CDH8: variants seen among roughly 807,000 people sequenced by gnomAD.
CDH8 encodes cadherin 8.
Under a neutral mutation model 68.1 loss-of-function variants are expected in CDH8, and 17 were observed. That is an observed-to-expected ratio of 0.25 (90% CI 0.17 to 0.37). CDH8 has a LOEUF of 0.37. Among genes scored for constraint, CDH8 ranks in the 10% least tolerant of loss-of-function variants. CDH8 has a pLI of 1.00. For synonymous variants in CDH8, 372 were observed against 365.1 expected, an observed-to-expected ratio of 1.02 and a Z score of -0.21; for missense variants, 763 against 999.3, an observed-to-expected ratio of 0.76 and a Z score of 3.19.
At chr16:61,784,805 A>T (rs1011843508) in intron 8 of CDH8, among the ~76,000 whole-genome samples, 2 of 152,042 alleles carry the variant, frequency 1.3e-5, no homozygotes, top group African/African-American at 4.8e-5. Flanking sequence ...GCTCAACTAC[A>T]TGGAAACTGA....
chr16:61,959,976 G>GTA lies in CDH8; in HGVS notation c.253-58504_253-58503insTA, dbSNP rs1256104885. ...CTTTCTCTGTATGTGGTGTATGTGT[G>GTA]TGTGTGTGTATATATATATATATAT... On this transcript the variant is annotated intron_variant, in intron 2 of 11. Coordinates refer to ENST00000577390, the MANE Select transcript of CDH8 (RefSeq NM_001796.5). Among the ~76,000 whole-genome samples the GTA allele has an allele frequency of 9.3e-5, 5 of 53,608 alleles. No individual in the cohort carries two copies. In the South Asian group the frequency reaches 2.1e-3, roughly 23 times the overall value. 35.2% of individuals were successfully genotyped at this position (53,608 alleles called of 152,430 possible).
chr16:61,716,031 A>G (rs970571966), intron 9 of CDH8, among the ~76,000 whole-genome samples: 1 of 151,668 alleles, frequency 6.6e-6, no homozygotes, highest in Non-Finnish European at 1.5e-5. Context: ...ACTTCTCTCT[A>G]TAGGACTTCT....
chr16:61,812,099 C>T (rs141537672), intron 7 of CDH8, among the ~76,000 whole-genome samples: 1 of 152,194 alleles, frequency 6.6e-6, no homozygotes, highest in Non-Finnish European at 1.5e-5. Context: ...AACAAACATG[C>T]TCCTTACAGA....
intron 3 of CDH8, among the ~76,000 whole-genome samples, chr16:61,889,421 C>T (rs1963735301): frequency 6.6e-6 from 1 of 152,074 alleles, no homozygotes; most frequent in South Asian, 2.1e-4. Context: ...AATAATAACA[C>T]ATGGATACAA....
chr16:61,661,786 A>T (rs529956810), intron 10 of CDH8, among the ~76,000 whole-genome samples: 22 of 151,794 alleles, frequency 1.4e-4, no homozygotes, highest in Middle Eastern at 6.8e-3. Context: ...ATCTGATCAT[A>T]TTGGGGGTAT....
At chr16:61,898,159 G>T (rs1963902265) in intron 3 of CDH8, among the ~76,000 whole-genome samples, 1 of 152,106 alleles carries the variant, frequency 6.6e-6, no homozygotes, top group Non-Finnish European at 1.5e-5. Flanking sequence ...AATTAGCCGG[G>T]CATGGTGACA....
chr16:61,754,084 C>G (rs7187412), intron 8 of CDH8, among the ~76,000 whole-genome samples: 4,328 of 152,198 alleles, frequency 0.028, 199 homozygotes, highest in African/African-American at 0.099. Flanking sequence ...TGTGAAATCC[C>G]TTCCCTTTCT....
intron 10 of CDH8, among the ~76,000 whole-genome samples, chr16:61,678,611 G>A (rs1963958639): frequency 6.6e-6 from 1 of 151,924 alleles, no homozygotes; most frequent in Admixed American, 6.6e-5. Context: ...ACATGCCATG[G>A]TGGTTTGCTG....
At chr16:61,929,739 T>C (rs1339147876) in intron 2 of CDH8, among the ~76,000 whole-genome samples, 1 of 151,902 alleles carries the variant, frequency 6.6e-6, no homozygotes, top group Non-Finnish European at 1.5e-5. Flanking sequence ...AAATTAAAAA[T>C]TTTAGCCACA....
At chr16:61,817,343 G>A (rs1962099431) in intron 7 of CDH8, 136 bp downstream of exon 7, 5 of 741,634 alleles carry the variant, frequency 6.7e-6, no homozygotes, top group East Asian at 5.5e-5. Context: ...CACACACACA[G>A]TATGTGCCAA....
intron 2 of CDH8, among the ~76,000 whole-genome samples, chr16:61,949,357 G>A (rs1440191334): frequency 6.6e-6 from 1 of 152,084 alleles, no homozygotes; most frequent in Non-Finnish European, 1.5e-5. Context: ...TCTGTAAAAT[G>A]GACCAATCAG....
chr16:61,909,084 C>A (rs893137263), intron 2 of CDH8, among the ~76,000 whole-genome samples: 25 of 151,834 alleles, frequency 1.6e-4, no homozygotes, highest in African/African-American at 5.8e-4. Flanking sequence ...TGGAAATAAC[C>A]TCTGCTCTAC....
intron 4 of CDH8, among the ~76,000 whole-genome samples, chr16:61,843,538 T>C (rs1200751228): frequency 6.6e-6 from 1 of 152,186 alleles, no homozygotes; most frequent in Non-Finnish European, 1.5e-5. Context: ...CTCTGACTCC[T>C]AAGTTCACAT....
chr16:61,795,711 A>G (rs529961023), intron 7 of CDH8, among the ~76,000 whole-genome samples: 133 of 152,236 alleles, frequency 8.7e-4, no homozygotes, highest in African/African-American at 3.0e-3. Flanking sequence ...AGCTTCGGGA[A>G]AGACAGAATT....
intron 8 of CDH8, among the ~76,000 whole-genome samples, chr16:61,756,328 C>T (rs1014606038): frequency 5.9e-5 from 9 of 152,220 alleles, no homozygotes; most frequent in African/African-American, 2.2e-4. Context: ...GTGTCATTCT[C>T]TCCACTTACA....
intron 2 of CDH8, among the ~76,000 whole-genome samples, chr16:61,980,104 G>A (rs10438547): frequency 0.022 from 3,407 of 152,230 alleles, 59 homozygotes; most frequent in Middle Eastern, 0.058. Context: ...AGCCCACACA[G>A]GGTTCTACAG....
intron 1 of CDH8, among the ~76,000 whole-genome samples, chr16:62,027,381 G>A (rs1902220258): frequency 6.6e-6 from 1 of 152,116 alleles, no homozygotes; most frequent in Admixed American, 6.6e-5. Flanking sequence ...TAAATAATGT[G>A]GATTAAAGTT....
Position 61,654,084 on chromosome 16 carries a change from C to T in CDH8, c.1924G>A (p.Val642Ile). 6.2e-7 allele frequency: 1 copy of T among 1,613,020 alleles called. No individual in the cohort carries two copies. Among genetic ancestry groups the T allele is most frequent in the Non-Finnish European group, 8.5e-7 (1 of 1,179,568 alleles). The change falls in exon 12 of 12, where the codon GTA becomes ATA. Residue 642 changes from valine (V) to isoleucine (I), a missense_variant. Around this residue, in one of 2 missense-constraint regions of CDH8, gnomAD observed 397 missense variants for 436.2 expected, o/e 0.91. Coordinates refer to ENST00000577390, the MANE Select transcript of CDH8 (RefSeq NM_001796.5). ...TCATTTTTATGCCGCCGTAGAGTTA[C>T]AAACAGCACCACGATGACTAGAGGA... ...ILLLVIVVLF[V>I]TLRRHKNEPL...
chr16:61,673,581 T>C (rs1391319263), intron 10 of CDH8, among the ~76,000 whole-genome samples: 1 of 152,130 alleles, frequency 6.6e-6, no homozygotes, highest in Non-Finnish European at 1.5e-5. Flanking sequence ...ATATGTACAA[T>C]AAGTATAACT....
Sources: allele counts gnomAD v4.1 joint callset (sites outside exome capture counted in the v4.1 genomes callset), GRCh38; gene constraint gnomAD v4.1.1; regional missense constraint gnomAD v4.1.1; transcripts MANE v1.5; gene names NCBI Gene and HGNC (gene_info 2026-07-23, HGNC 2026-07-21).